REV3L: variants seen among roughly 807,000 people sequenced by gnomAD.
REV3L encodes the protein REV3 like, DNA directed polymerase zeta catalytic subunit, also known as DNA polymerase zeta catalytic subunit.
In REV3L, 69 loss-of-function variants were observed where a neutral mutation model predicts 299.4. That is an observed-to-expected ratio of 0.23 (90% CI 0.19 to 0.28). The LOEUF (loss-of-function observed/expected upper bound fraction) is 0.28. Ranked by LOEUF, REV3L falls within the 10% of genes least tolerant of loss-of-function variation. The pLI, the probability that REV3L is intolerant of heterozygous loss-of-function variation, is 1.00. For synonymous variants in REV3L, 1,238 were observed against 1,271.4 expected, an observed-to-expected ratio of 0.97 and a Z score of 0.56; for missense variants, 3,128 against 3,693.8, an observed-to-expected ratio of 0.85 and a Z score of 3.97.
At chr6:111,359,543 GAA>G (rs1778434542) in intron 16 of REV3L, among the ~76,000 whole-genome samples, 1 of 32,816 alleles carries the variant, frequency 3.0e-5, no homozygotes, top group African/African-American at 1.1e-4. Flanking sequence ...AAAAAAAAAA[GAA>G]CTGTTATGGT....
intron 14 of REV3L, among the ~76,000 whole-genome samples, chr6:111,366,181 T>C (rs1433110295): frequency 6.6e-6 from 1 of 152,146 alleles, no homozygotes; most frequent in Non-Finnish European, 1.5e-5. Context: ...TGGAGGCATG[T>C]ATATATAAGT....
rs1169803856 is a variant in REV3L at position 111,364,836 on chromosome 6, T to C, written c.6753+429A>G. Reference sequence around the variant, plus strand: ...CAGTAGTAAATAATGTTGCTTTCTTTTACTACTTAGTAAAATAAATTTTAA... The same window carrying C: ...CAGTAGTAAATAATGTTGCTTTCTTCTACTACTTAGTAAAATAAATTTTAA... On this transcript the variant is annotated intron_variant, in intron 15 of 31. Transcript: ENST00000368802. 1.3e-5 allele frequency among the ~76,000 whole-genome samples: 2 copies of C among 152,044 alleles called. 1 individual carries two copies. The highest frequency in any genetic ancestry group is 2.9e-5 in the Non-Finnish European group (2 of 67,918).
chr6:111,411,947 A>G, intron 2 of REV3L: 7 of 983,006 alleles, frequency 7.1e-6, no homozygotes, highest in Non-Finnish European at 8.5e-6. Flanking sequence ...TTTACTCCAC[A>G]TATGAGAGAA....
At chr6:111,314,738 G>A (rs1444612224) in intron 27 of REV3L, among the ~76,000 whole-genome samples, 1 of 151,868 alleles carries the variant, frequency 6.6e-6, no homozygotes, top group Non-Finnish European at 1.5e-5. Context: ...TTAAGTTTGG[G>A]GTGATCTGTT....
chr6:111,466,347 G>A (rs992731357), intron 1 of REV3L, among the ~76,000 whole-genome samples: 47 of 152,112 alleles, frequency 3.1e-4, no homozygotes, highest in African/African-American at 1.1e-3. Flanking sequence ...AAGGACAAAT[G>A]TTTATTTGGG....
At chr6:111,400,377 C>A (rs1391752072) in intron 4 of REV3L, among the ~76,000 whole-genome samples, 8 of 152,140 alleles carry the variant, frequency 5.3e-5, no homozygotes, top group African/African-American at 1.9e-4. Context: ...GCTGTTCCAC[C>A]TCTTGGTCAA....
rs553866749 is a variant in REV3L, at chr6:111,363,990, A to AC, written c.6754-13_6754-12insG. On this transcript the variant is annotated splice_polypyrimidine_tract_variant and intron_variant, in intron 15 of 31. Transcript: ENST00000368802. ...GCTGCAAATTGATTCTATAAAAAAA[A>AC]ACACACACACACACAGCCAGAAAAA... is the stretch of plus-strand genomic sequence containing the variant. The AC allele has an allele frequency of 2.0e-5, 31 of 1,584,866 alleles. 1 individual carries two copies. Among genetic ancestry groups the AC allele is most frequent in the African/African-American group, 6.8e-5 (5 of 73,682 alleles).
chr6:111,349,940 CTA>C (rs1468774110), intron 19 of REV3L, among the ~76,000 whole-genome samples: 2 of 152,118 alleles, frequency 1.3e-5, no homozygotes, highest in Non-Finnish European at 2.9e-5. Context: ...CGTTGTGAGT[CTA>C]GTTTCTTAGG....
intron 21 of REV3L, among the ~76,000 whole-genome samples, chr6:111,337,354 A>G (rs544806471): frequency 1.3e-4 from 20 of 152,308 alleles, no homozygotes; most frequent in Non-Finnish European, 2.4e-4. Flanking sequence ...TTGTTTCATA[A>G]TTTACATTTT....
At chr6:111,460,517 A>T (rs1790643048) in intron 1 of REV3L, 1 of 152,118 alleles carries the variant, frequency 6.6e-6, no homozygotes. Context: ...AAGAAAAAAA[A>T]GGCAATCCAG....
intron 9 of REV3L, among the ~76,000 whole-genome samples, chr6:111,382,117 C>T (rs1025785647): frequency 1.3e-5 from 2 of 152,090 alleles, no homozygotes; most frequent in African/African-American, 4.8e-5. Context: ...TTATATATCA[C>T]ATTCATTACA....
rs372650366 is a variant in REV3L, at chr6:111,374,528, T to G, written c.3827A>C (p.His1276Pro). ...AGTGGGTAGGGAAGCAGAAAGGGGA[T>G]GATCTACAGCAGAGCCCATTAGTGG... ...DMPLMGSAVD[H>P]PLSASLPTGI... Residue 1276 changes from histidine to proline, a missense_variant, in exon 13 of 32, where the codon CAT becomes CCT. Coordinates refer to ENST00000368802, the MANE Select transcript of REV3L (RefSeq NM_001372078.1). The G allele has an allele frequency of 2.5e-6, 4 of 1,614,064 alleles. No individual in the cohort carries two copies. In the South Asian group the frequency reaches 3.3e-5, roughly 13 times the overall value.
rs184079529 is a variant in REV3L, at chr6:111,461,692, G to C, written c.139+21058C>G. Reference sequence around the variant, plus strand: ...ATAAGGTCCTAATACTACATATAAAGCTATGTATTATTATATCAAGAAAAC... The same window carrying C: ...ATAAGGTCCTAATACTACATATAAACCTATGTATTATTATATCAAGAAAAC... On this transcript the variant is annotated intron_variant, in intron 1 of 31. Coordinates refer to ENST00000368802, the MANE Select transcript of REV3L (RefSeq NM_001372078.1). 2.1e-3 allele frequency among the ~76,000 whole-genome samples: 322 copies of C among 152,060 alleles called. 1 individual carries two copies. Among genetic ancestry groups the C allele is most frequent in the African/African-American group, 7.3e-3 (305 of 41,532 alleles).
intron 1 of REV3L, among the ~76,000 whole-genome samples, chr6:111,463,245 TAA>T (rs1791009551): frequency 6.6e-6 from 1 of 152,218 alleles, no homozygotes; most frequent in Admixed American, 6.5e-5. Flanking sequence ...ATTATTACCA[TAA>T]GCAATGGTGC....
In REV3L at chr6:111,413,984, G is replaced by A. The variant is rs74571357; in HGVS notation, c.329+2299C>T. Among the ~76,000 whole-genome samples the A allele has an allele frequency of 8.4e-3, 1,275 of 152,122 alleles. 22 individuals are homozygous for A. Among genetic ancestry groups the A allele is most frequent in the African/African-American group, 0.029 (1,216 of 41,512 alleles). ...CCTAACATAATTGCTCCTGTTATAGGATGAGTGTAAACTTTCACCTCATTC... is the reference window on the plus strand; with the variant it reads ...CCTAACATAATTGCTCCTGTTATAGAATGAGTGTAAACTTTCACCTCATTC... On this transcript the variant is annotated intron_variant, in intron 2 of 31. Transcript: ENST00000368802.
chr6:111,394,249 T>C (rs764047233), intron 4 of REV3L, among the ~76,000 whole-genome samples: 5 of 152,186 alleles, frequency 3.3e-5, no homozygotes, highest in African/African-American at 9.7e-5. Context: ...TAATTTACAT[T>C]CCCACCAACA....
chr6:111,344,002 A>C lies in REV3L; in HGVS notation c.7461T>G (p.His2487Gln), dbSNP rs758016540. The change falls in exon 21 of 32, where the codon CAT becomes CAG. Residue 2487 changes from histidine (H) to glutamine (Q), a missense_variant. Coordinates refer to ENST00000368802, the MANE Select transcript of REV3L (RefSeq NM_001372078.1). ...TNYTFENVSF[H>Q]VLHQRFPLFT... ...AGAGGGGAAAACGCTGATGAAGAAC[A>C]TGAAAGCTCACATTTTCAAAGGTGT... The C allele has an allele frequency of 6.2e-7, 1 of 1,612,656 alleles. No homozygotes were observed. The highest frequency in any genetic ancestry group is 1.7e-5 in the Admixed American group (1 of 59,818).
intron 1 of REV3L, among the ~76,000 whole-genome samples, chr6:111,418,767 T>C (rs1785021672): frequency 6.6e-6 from 1 of 152,202 alleles, no homozygotes; most frequent in African/African-American, 2.4e-5. Context: ...GCCTGTTTCC[T>C]TATCTAACTT....
At chr6:111,434,441 C>T (rs1383906411) in intron 1 of REV3L, among the ~76,000 whole-genome samples, 3 of 151,676 alleles carry the variant, frequency 2.0e-5, no homozygotes, top group East Asian at 3.9e-4. Flanking sequence ...GGTGAAACCA[C>T]GTCTCTAATA....
Sources: gnomAD v4.1 joint callset for allele counts (sites outside exome capture counted in the v4.1 genomes callset) on GRCh38, gnomAD v4.1.1 for gene constraint, MANE v1.5 for transcripts, NCBI Gene and HGNC (gene_info 2026-07-23, HGNC 2026-07-21) for gene names.